Variants in TSC1 observed in about 807,000 individuals in gnomAD.
TSC1 encodes TSC complex subunit 1, also known as hamartin.
Under a neutral mutation model 124.3 loss-of-function variants are expected in TSC1, and 20 were observed. The observed-to-expected ratio is 0.16, with a 90% CI of 0.11 to 0.23. TSC1 has a LOEUF of 0.23. Ranked by LOEUF, TSC1 falls within the 10% of genes least tolerant of loss-of-function variation. TSC1 has a pLI of 1.00. For synonymous variants in TSC1, 493 were observed against 539.1 expected (o/e 0.91, Z 1.19); for missense variants, 1,124 against 1,448.5 (o/e 0.78, Z 3.64).
chr9:132,896,421 C>T lies in TSC1; in HGVS notation c.3309G>A (p.Gln1103=), dbSNP rs1474184918. Residue 1103 remains glutamine (Q), a synonymous_variant, in exon 23 of 23, where the codon CAG becomes CAA. Transcript: ENST00000298552. This position sits in a 1 kb window ranked among gnomAD's most constrained non-coding sequence, Gnocchi z 4.5. Reference sequence around the variant, plus strand: ...TACTGGTCATGCCGTCCTCATCACACTGGCTCTCGCTCTTATTACGAAATA... The same window carrying T: ...TACTGGTCATGCCGTCCTCATCACATTGGCTCTCGCTCTTATTACGAAATA... ...RELFRNKSES[Q]CDEDGMTSSL... The T allele has an allele frequency of 6.2e-7, 1 of 1,614,134 alleles. No homozygotes were observed. The highest frequency in any genetic ancestry group is 2.2e-5 in the East Asian group (1 of 44,900).
intron 1 of TSC1, among the ~76,000 whole-genome samples, chr9:132,939,831 C>T (rs1014549654): frequency 3.3e-5 from 5 of 152,086 alleles, no homozygotes; most frequent in African/African-American, 7.2e-5. Flanking sequence ...CCTGGCACCA[C>T]GAGCAGGAGC....
In TSC1 at chr9:132,895,527, G is replaced by A; in HGVS notation, c.*708C>T. On this transcript the variant is annotated 3_prime_UTR_variant, in exon 23 of 23. Coordinates refer to ENST00000298552, the MANE Select transcript of TSC1 (RefSeq NM_000368.5). The stretch of plus-strand genomic sequence containing the variant: ...TAAATAAGAGGTAGTGGGGGAAGAA[G>A]AGACAAGAGCTTTCCCAAAGGGTGT... The A allele has an allele frequency of 4.3e-6, 1 of 233,892 alleles. No individual in the cohort carries two copies. The highest frequency in any genetic ancestry group is 6.0e-5 in the East Asian group (1 of 16,588). The allele number at this position is 233,892 out of a possible 1,614,324, so 14.5% of individuals were successfully genotyped here.
rs1347666367 is a variant in TSC1 at position 132,923,102 on chromosome 9, A to G, written c.508+246T>C. ...CAACAATCATAAAGTTTTACATCCT[A>G]CCACTCAATTTCTCTGACGACTAAT... On this transcript the variant is annotated intron_variant, in intron 6 of 22. Transcript: ENST00000298552. This position sits in a 1 kb window ranked among gnomAD's most constrained non-coding sequence, Gnocchi z 4.2. 6.6e-6 allele frequency among the ~76,000 whole-genome samples: 1 copy of G among 152,184 alleles called. No homozygotes were observed. The highest frequency in any genetic ancestry group is 1.5e-5 in the Non-Finnish European group (1 of 68,030).
At chr9:132,922,444 G>A (rs1232912213) in intron 6 of TSC1, among the ~76,000 whole-genome samples, 1 of 152,110 alleles carries the variant, frequency 6.6e-6, no homozygotes, top group Admixed American at 6.5e-5. Context: ...AATATTTACA[G>A]AATGAATGTG....
At position 132,931,892 on chromosome 9, in the gene TSC1, G is replaced by A. The variant is rs559390306; in HGVS notation, c.-80-2940C>T. ...GGACTCAGTCAGGGGTGGTGGTAGT[G>A]GTGGATGAAATATACACATGTTAAA... On this transcript the variant is annotated intron_variant, in intron 2 of 22. Coordinates refer to ENST00000298552, the MANE Select transcript of TSC1 (RefSeq NM_000368.5). 2.0e-5 allele frequency among the ~76,000 whole-genome samples: 3 copies of A among 152,306 alleles called. No individual in the cohort carries two copies. The South Asian group carries it at 6.2e-4, about 32-fold the overall frequency.
rs35234317 is a variant in TSC1 at position 132,908,901 on chromosome 9, C to CT, written c.1264-1532dup. Among the ~76,000 whole-genome samples the CT allele has an allele frequency of 6.2e-3, 753 of 121,510 alleles. 32 individuals are homozygous for CT. Among genetic ancestry groups the CT allele is most frequent in the African/African-American group, 0.013 (379 of 30,152 alleles). The allele number at this position is 121,510 out of a possible 152,430, so 79.7% of individuals were successfully genotyped here. A position where few individuals can be genotyped will look rare whatever the true frequency, so the allele number is the denominator to read the frequency against. ...TTAAAACCCACTAGTCTACCTTGCA[C>CT]TTTTTTTTTTTTTTTTTGTGACAGT... On this transcript the variant is annotated intron_variant, in intron 12 of 22. Transcript: ENST00000298552.
intron 3 of TSC1, 65 bp downstream of exon 3, chr9:132,928,702 T>C (rs1847025888): frequency 1.2e-6 from 2 of 1,600,112 alleles, no homozygotes; most frequent in Admixed American, 1.7e-5. Context: ...AGCAGGATTC[T>C]AGTGGCTCTA....
Position 132,930,525 on chromosome 9 carries a change from T to G in TSC1, c.-80-1573A>C, listed in dbSNP as rs545310449. Among the ~76,000 whole-genome samples the G allele has an allele frequency of 2.1e-5, 3 of 143,044 alleles. No individual in the cohort carries two copies. The East Asian group carries it at 6.1e-4, about 29-fold the overall frequency. The allele number at this position is 143,044 out of a possible 152,430, so 93.8% of individuals were successfully genotyped here. A position where few individuals can be genotyped will look rare whatever the true frequency, so the allele number is the denominator to read the frequency against. On this transcript the variant is annotated intron_variant, in intron 2 of 22. Transcript: ENST00000298552. ...ATCACTTGAGCCTGGGAGACGGAGG[T>G]TGCAGTGAGTCAAGGTCATGCCACT...
At position 132,903,251 on chromosome 9, in the gene TSC1, G is replaced by A. The variant is rs1473613060; in HGVS notation, c.2208+400C>T. 2.6e-5 allele frequency among the ~76,000 whole-genome samples: 4 copies of A among 152,168 alleles called. No individual in the cohort carries two copies. The highest frequency in any genetic ancestry group is 6.5e-5 in the Admixed American group (1 of 15,272). On this transcript the variant is annotated intron_variant, in intron 17 of 22. Coordinates refer to ENST00000298552, the MANE Select transcript of TSC1 (RefSeq NM_000368.5). The surrounding 1 kb of genome is among the most constrained non-coding windows in gnomAD (Gnocchi z 5.9). ...GCTAACAGAGGCTTCAAGAGGCCAC[G>A]TTACTTTTCTAAGGTAACACTGGTA...
In TSC1 at chr9:132,894,687, C is replaced by T. The variant is rs1181161358; in HGVS notation, c.*1548G>A. 13 of 202,392 alleles carry T rather than the reference C, an allele frequency of 6.4e-5. No homozygotes were observed. The highest frequency in any genetic ancestry group is 3.1e-4 in the Admixed American group (5 of 15,940). 12.5% of individuals were successfully genotyped at this position (202,392 alleles called of 1,614,324 possible). A position where few individuals can be genotyped will look rare whatever the true frequency, so the allele number is the denominator to read the frequency against. ...GTTAGGGATGCTAGAATATTTATTGCCATGCTAAAAAAAAAAAAAAAAAAA... is the reference window on the plus strand; with the variant it reads ...GTTAGGGATGCTAGAATATTTATTGTCATGCTAAAAAAAAAAAAAAAAAAA... On this transcript the variant is annotated 3_prime_UTR_variant, in exon 23 of 23. Coordinates refer to ENST00000298552, the MANE Select transcript of TSC1 (RefSeq NM_000368.5).
chr9:132,902,767 T>A lies in TSC1; in HGVS notation c.2229A>T (p.Gln743His), dbSNP rs2131740740. 1 of 1,613,804 alleles carries A rather than the reference T, an allele frequency of 6.2e-7. No individual in the cohort carries two copies. Among genetic ancestry groups the A allele is most frequent in the South Asian group, 1.1e-5 (1 of 91,058 alleles). ...CCTTCCACATCTGGATGTCCTTCTC[T>A]TGTAACTTCAACTGATCTTTCTAGC... Reference protein sequence around the residue: ...NAAMKDQLKLQEKDIQMWKVS... With the variant: ...NAAMKDQLKLHEKDIQMWKVS... Residue 743 changes from glutamine to histidine, a missense_variant, in exon 18 of 23, where the codon CAA (glutamine) becomes CAT (histidine). Transcript: ENST00000298552. The surrounding 1 kb of genome is among the most constrained non-coding windows in gnomAD (Gnocchi z 5.2).
chr9:132,908,887 T>C (rs1490571069), intron 12 of TSC1, among the ~76,000 whole-genome samples: 3 of 151,116 alleles, frequency 2.0e-5, no homozygotes, highest in East Asian at 3.9e-4. Context: ...TAAAACCCAC[T>C]AGTCTACCTT....
intron 1 of TSC1, among the ~76,000 whole-genome samples, chr9:132,935,931 A>G (rs1025137417): frequency 6.6e-6 from 1 of 152,142 alleles, no homozygotes; most frequent in Admixed American, 6.5e-5. Flanking sequence ...CTTGCAGCCT[A>G]TATTTCTTGT....
chr9:132,924,854 C>T (rs1383571662), intron 5 of TSC1: 2 of 152,204 alleles, frequency 1.3e-5, no homozygotes, highest in African/African-American at 4.8e-5. Flanking sequence ...TTGGCAGACA[C>T]AAAAATCAAT....
intron 19 of TSC1, among the ~76,000 whole-genome samples, chr9:132,901,301 G>A (rs997129503): frequency 1.3e-5 from 2 of 152,232 alleles, no homozygotes; most frequent in Admixed American, 6.5e-5. Flanking sequence ...TACACATAGA[G>A]CAGGGTTTAG....
chr9:132,921,539 T>C lies in TSC1; in HGVS notation c.664-103A>G. 1 of 1,347,280 alleles carries C rather than the reference T, an allele frequency of 7.4e-7. No individual in the cohort carries two copies. The highest frequency in any genetic ancestry group is 1.1e-6 in the Non-Finnish European group (1 of 946,482). The allele number at this position is 1,347,280 out of a possible 1,614,324, so 83.5% of individuals were successfully genotyped here. A position where few individuals can be genotyped will look rare whatever the true frequency, so the allele number is the denominator to read the frequency against. ...TTAAAAGGAATGAAGTACTGATACA[T>C]GTTATAACACAGATGGAACCTTGAG... On this transcript the variant is annotated intron_variant, in intron 7 of 22. Transcript: ENST00000298552. This position sits in a 1 kb window ranked among gnomAD's most constrained non-coding sequence, Gnocchi z 4.3.
intron 8 of TSC1, among the ~76,000 whole-genome samples, chr9:132,917,602 G>A (rs1273490512): frequency 6.6e-6 from 1 of 152,110 alleles, no homozygotes; most frequent in Non-Finnish European, 1.5e-5. Flanking sequence ...AAAGTGCTAG[G>A]ATTACAGGCG....
intron 1 of TSC1, among the ~76,000 whole-genome samples, chr9:132,937,984 G>A (rs1041464309): frequency 1.3e-5 from 2 of 152,146 alleles, no homozygotes; most frequent in African/African-American, 4.8e-5. Flanking sequence ...CCATAGTGCT[G>A]GGGTTACAGG....
At chr9:132,934,098 G>A (rs185883343) in intron 2 of TSC1, among the ~76,000 whole-genome samples, 1 of 152,194 alleles carries the variant, frequency 6.6e-6, no homozygotes, top group Non-Finnish European at 1.5e-5. Context: ...CAATTCCTAC[G>A]ACAGAGGTGA....
Sources: allele counts gnomAD v4.1 joint callset (sites outside exome capture counted in the v4.1 genomes callset), GRCh38; gene constraint gnomAD v4.1.1; non-coding constraint Gnocchi (gnomAD v3.1); transcripts MANE v1.5; gene names NCBI Gene and HGNC (gene_info 2026-07-23, HGNC 2026-07-21).